The following SMIM14 variants were observed in gnomAD, a reference collection of about 807,000 sequenced individuals.
The protein encoded by SMIM14 is small integral membrane protein 14, also known as chromosome 4 open reading frame 34.
Under a neutral mutation model 12.6 loss-of-function variants are expected in SMIM14, and 5 were observed. The observed-to-expected ratio is 0.40, with a 90% CI of 0.21 to 0.83. SMIM14 has a LOEUF of 0.83. Ranked by LOEUF, SMIM14 falls within the 40% of genes least tolerant of loss-of-function variation. The pLI, the probability that SMIM14 is intolerant of heterozygous loss-of-function variation, is 0.37. For missense variants in SMIM14, 86 were observed against 119.1 expected (o/e 0.72, Z 1.29); for synonymous variants, 30 against 40.1 (o/e 0.75, Z 0.95).
intron 2 of SMIM14, chr4:39,592,716 G>A (rs1224072067): frequency 6.6e-6 from 1 of 151,940 alleles, no homozygotes; most frequent in Non-Finnish European, 1.5e-5. Context: ...AATGATAAAG[G>A]GGATATCACC....
At chr4:39,602,794 T>A (rs1277386546) in intron 2 of SMIM14, among the ~76,000 whole-genome samples, 2 of 152,166 alleles carry the variant, frequency 1.3e-5, no homozygotes, top group Non-Finnish European at 2.9e-5. Flanking sequence ...CAAGTCCTAG[T>A]GCATGCTGAC....
At chr4:39,611,321 C>T (rs564792256) in intron 1 of SMIM14, among the ~76,000 whole-genome samples, 48 of 152,296 alleles carry the variant, frequency 3.2e-4, no homozygotes, top group Non-Finnish European at 6.6e-4. Flanking sequence ...GCCTGGCCAA[C>T]ATGGCCAAAC....
At chr4:39,577,376 T>C (rs1417281634) in intron 2 of SMIM14, among the ~76,000 whole-genome samples, 1 of 151,632 alleles carries the variant, frequency 6.6e-6, no homozygotes, top group Non-Finnish European at 1.5e-5. Context: ...TGCCTTTCAG[T>C]AGAAAAGAAT....
intron 1 of SMIM14, among the ~76,000 whole-genome samples, chr4:39,632,655 G>A (rs185935947): frequency 9.9e-4 from 150 of 151,454 alleles, no homozygotes; most frequent in Admixed American, 1.8e-3. Flanking sequence ...TTAGCCAGGC[G>A]TGGTCTCAGC....
chr4:39,635,964 G>A (rs1663297711), intron 1 of SMIM14, among the ~76,000 whole-genome samples: 1 of 152,004 alleles, frequency 6.6e-6, no homozygotes, highest in South Asian at 2.1e-4. Context: ...CTTGAGGTCA[G>A]GAGTTTGACA....
chr4:39,629,588 G>A (rs1282580324), intron 1 of SMIM14, among the ~76,000 whole-genome samples: 1 of 151,296 alleles, frequency 6.6e-6, no homozygotes, highest in African/African-American at 2.4e-5. Context: ...GACTACAGGT[G>A]TGTGCCACCA....
At chr4:39,574,269 T>C (rs966605277) in intron 2 of SMIM14, among the ~76,000 whole-genome samples, 1 of 150,660 alleles carries the variant, frequency 6.6e-6, no homozygotes, top group African/African-American at 2.4e-5. Context: ...TTTTCTCTTC[T>C]TAGAGACGGA....
chr4:39,565,218 CAGAAA>C (rs1225110284), intron 3 of SMIM14, among the ~76,000 whole-genome samples: 2 of 152,040 alleles, frequency 1.3e-5, no homozygotes, highest in African/African-American at 4.8e-5. Flanking sequence ...ACTTTGTCTC[CAGAAA>C]AGAAAAGAAA....
intron 1 of SMIM14, among the ~76,000 whole-genome samples, chr4:39,620,053 T>A (rs996839550): frequency 6.6e-6 from 1 of 150,642 alleles, no homozygotes; most frequent in South Asian, 2.1e-4. Context: ...CTTAAAAAAA[T>A]ATTTTTGCTG....
chr4:39,548,136 C>T lies in SMIM14; in HGVS notation c.*3990G>A, dbSNP rs2109969917. 1 of 152,178 alleles carries T rather than the reference C, an allele frequency of 6.6e-6. No homozygotes were observed. Among genetic ancestry groups the T allele is most frequent in the Non-Finnish European group, 1.5e-5 (1 of 68,046 alleles). 9.4% of individuals were successfully genotyped at this position (152,178 alleles called of 1,614,324 possible). On this transcript the variant is annotated 3_prime_UTR_variant, in exon 5 of 5. Transcript: ENST00000295958. ...GCCAGGCTGGTCTCGAACTCCTGAC[C>T]TCAGGTGATCCAGCTCCCTCGGTCT...
chr4:39,586,957 G>A (rs1185318311), intron 2 of SMIM14, among the ~76,000 whole-genome samples: 1 of 151,924 alleles, frequency 6.6e-6, no homozygotes, highest in Non-Finnish European at 1.5e-5. Flanking sequence ...GTAGAGAAGA[G>A]GATCATCTCT....
chr4:39,619,710 ATATATCAATAAATATAAT>A, intron 1 of SMIM14, among the ~76,000 whole-genome samples: 2 of 126,508 alleles, frequency 1.6e-5, no homozygotes, highest in African/African-American at 6.1e-5. Flanking sequence ...AATTTATTCT[ATATATCAATAAATATAAT>A]TATATATATC....
chr4:39,609,773 C>T (rs1051031720), intron 1 of SMIM14, among the ~76,000 whole-genome samples: 1 of 152,020 alleles, frequency 6.6e-6, no homozygotes, highest in African/African-American at 2.4e-5. Context: ...CTCAGCTGCA[C>T]GATAGAAAAC....
At chr4:39,636,913 A>C (rs1044699848) in intron 1 of SMIM14, among the ~76,000 whole-genome samples, 1 of 152,254 alleles carries the variant, frequency 6.6e-6, no homozygotes, top group Non-Finnish European at 1.5e-5. Flanking sequence ...TTGTATTTTC[A>C]AACTGCGGTT....
chr4:39,559,715 T>C (rs1274385959), intron 3 of SMIM14, among the ~76,000 whole-genome samples: 2 of 152,036 alleles, frequency 1.3e-5, no homozygotes, highest in African/African-American at 2.4e-5. Context: ...AACGAAGTCT[T>C]ATGGCAAACA....
chr4:39,634,217 G>A (rs755759118), intron 1 of SMIM14, among the ~76,000 whole-genome samples: 2 of 152,158 alleles, frequency 1.3e-5, no homozygotes, highest in African/African-American at 2.4e-5. Context: ...ATGAGCCACC[G>A]CGCCCAGCCG....
chr4:39,638,556 G>T (rs1020930272), intron 1 of SMIM14, 183 bp downstream of exon 1: 1 of 984,640 alleles, frequency 1.0e-6, no homozygotes, highest in African/African-American at 1.7e-5. Context: ...CGCGGGCTCG[G>T]CAGCAGCGGA....
At chr4:39,570,703 C>G (rs1179271265) in intron 3 of SMIM14, among the ~76,000 whole-genome samples, 1 of 151,890 alleles carries the variant, frequency 6.6e-6, no homozygotes, top group African/African-American at 2.4e-5. Flanking sequence ...GTCATCCAGG[C>G]TGGAGTGCAG....
chr4:39,572,706 C>T (rs1459385696), intron 2 of SMIM14, among the ~76,000 whole-genome samples: 1 of 151,962 alleles, frequency 6.6e-6, no homozygotes, highest in Non-Finnish European at 1.5e-5. Flanking sequence ...CCTGTAGTCT[C>T]AGCTATTAGG....
Sources: allele counts gnomAD v4.1 joint callset (sites outside exome capture counted in the v4.1 genomes callset), GRCh38; gene constraint gnomAD v4.1.1; transcripts MANE v1.5; gene names NCBI Gene and HGNC (gene_info 2026-07-23, HGNC 2026-07-21).